The following SORCS2 variants were observed in gnomAD, a reference collection of about 807,000 sequenced individuals.
SORCS2 encodes the protein sortilin related VPS10 domain containing receptor 2, also known as VPS10 domain-containing receptor SorCS2.
SORCS2 carries 100 observed loss-of-function variants against 141.6 expected under a neutral mutation model. The ratio of observed to expected loss-of-function variants is 0.71; its 90% CI spans 0.60 to 0.83. The LOEUF is 0.83. SORCS2 is among the 40% of genes least tolerant of loss of function. The pLI is 0.00. For missense variants in SORCS2, 1,646 were observed against 1,560.2 expected, an observed-to-expected ratio of 1.05 and a Z score of -0.93; for synonymous variants, 789 against 676.9, an observed-to-expected ratio of 1.17 and a Z score of -2.57.
At chr4:7,376,705 G>T (rs1256301634) in intron 1 of SORCS2, among the ~76,000 whole-genome samples, 1 of 152,158 alleles carries the variant, frequency 6.6e-6, no homozygotes, top group African/African-American at 2.4e-5. Flanking sequence ...GCATGTCTTT[G>T]TGGGTTTATA....
At chr4:7,346,786 C>G (rs1720677266) in intron 1 of SORCS2, among the ~76,000 whole-genome samples, 1 of 152,122 alleles carries the variant, frequency 6.6e-6, no homozygotes. Flanking sequence ...TTTCTTCAGC[C>G]ACACTTAAAC....
intron 3 of SORCS2, among the ~76,000 whole-genome samples, chr4:7,573,422 A>C (rs552511398): frequency 2.0e-5 from 3 of 152,382 alleles, no homozygotes; most frequent in Non-Finnish European, 4.4e-5. Flanking sequence ...CCTAAGTAAA[A>C]GTAAAGGCAA....
intron 10 of SORCS2, among the ~76,000 whole-genome samples, chr4:7,684,029 A>G (rs1366240774): frequency 7.9e-5 from 12 of 152,148 alleles, no homozygotes; most frequent in Admixed American, 7.9e-4. Context: ...GGCCAAGAGA[A>G]TCTGACCAGG....
intron 3 of SORCS2, among the ~76,000 whole-genome samples, chr4:7,575,765 G>A (rs1044090804): frequency 1.7e-4 from 26 of 152,180 alleles, no homozygotes; most frequent in Admixed American, 1.5e-3. Context: ...TTACGCATCA[G>A]GATCAGAGAG....
intron 2 of SORCS2, among the ~76,000 whole-genome samples, chr4:7,401,169 GGATT>G (rs1056021187): frequency 2.0e-5 from 3 of 151,468 alleles, no homozygotes; most frequent in Non-Finnish European, 2.9e-5. Flanking sequence ...ATGGATGAGT[GGATT>G]GATGGATGGA....
intron 1 of SORCS2, among the ~76,000 whole-genome samples, chr4:7,248,337 G>C (rs1216352797): frequency 5.5e-4 from 7 of 12,764 alleles, no homozygotes; most frequent in Non-Finnish European, 2.1e-3. Flanking sequence ...AGGTCACCGT[G>C]GGGGGGCCCT....
At chr4:7,467,905 C>T (rs1460048438) in intron 2 of SORCS2, among the ~76,000 whole-genome samples, 1 of 152,376 alleles carries the variant, frequency 6.6e-6, no homozygotes, top group East Asian at 1.9e-4. Flanking sequence ...GCCCCTTGGC[C>T]TCTTTATCAC....
chr4:7,656,139 G>A (rs1370569672), intron 5 of SORCS2, among the ~76,000 whole-genome samples: 1 of 152,224 alleles, frequency 6.6e-6, no homozygotes, highest in Non-Finnish European at 1.5e-5. Flanking sequence ...TGAACTGACA[G>A]CGGGAATTGC....
chr4:7,561,620 CT>C (rs1446361911), intron 3 of SORCS2, among the ~76,000 whole-genome samples: 5 of 149,990 alleles, frequency 3.3e-5, no homozygotes, highest in African/African-American at 1.3e-4. Flanking sequence ...ACCCATCCGT[CT>C]ATCTACCCAT....
intron 3 of SORCS2, among the ~76,000 whole-genome samples, chr4:7,574,510 G>C (rs1715616982): frequency 6.6e-6 from 1 of 152,130 alleles, no homozygotes; most frequent in Admixed American, 6.5e-5. Context: ...CAGAATGTCA[G>C]GTCAGCGCAG....
intron 3 of SORCS2, among the ~76,000 whole-genome samples, chr4:7,621,278 T>C (rs995252804): frequency 5.3e-5 from 8 of 152,194 alleles, no homozygotes; most frequent in Admixed American, 1.3e-4. Flanking sequence ...TCCCGGCATC[T>C]CACACCCCTC....
At chr4:7,447,711 AC>A (rs1728088633) in intron 2 of SORCS2, among the ~76,000 whole-genome samples, 1 of 152,062 alleles carries the variant, frequency 6.6e-6, no homozygotes, top group African/African-American at 2.4e-5. Flanking sequence ...TCGGGGCAGG[AC>A]CCCGAGGAGG....
At chr4:7,305,710 T>G (rs1268127584) in intron 1 of SORCS2, among the ~76,000 whole-genome samples, 2 of 152,094 alleles carry the variant, frequency 1.3e-5, no homozygotes, top group Non-Finnish European at 2.9e-5. Context: ...CACTCCCAGG[T>G]CTAGGGAGAC....
rs547118303 is a variant in SORCS2 at position 7,309,145 on chromosome 4, C to T, written c.481-87143C>T. ...CAGCACTTGGAAAGGTCTAAATCACCGGGCGCACGCTGGCACTTCTGTGGC... is the reference window on the plus strand; with the variant it reads ...CAGCACTTGGAAAGGTCTAAATCACTGGGCGCACGCTGGCACTTCTGTGGC... On this transcript the variant is annotated intron_variant, in intron 1 of 26. Coordinates refer to ENST00000507866, the MANE Select transcript of SORCS2 (RefSeq NM_020777.3). Among the ~76,000 whole-genome samples the T allele has an allele frequency of 9.2e-5, 14 of 152,308 alleles. No homozygotes were observed. The South Asian group carries it at 1.2e-3, about 14-fold the overall frequency.
chr4:7,303,052 G>A (rs1045597514), intron 1 of SORCS2, among the ~76,000 whole-genome samples: 4 of 152,162 alleles, frequency 2.6e-5, no homozygotes, highest in Admixed American at 2.6e-4. Flanking sequence ...TGTTAATGCG[G>A]CCAGTGCTCT....
rs893218065 is a variant in SORCS2 at position 7,336,708 on chromosome 4, C to T, written c.481-59580C>T. Among the ~76,000 whole-genome samples, 3 of 150,160 alleles carry T rather than the reference C, an allele frequency of 2.0e-5. 1 individual carries two copies. Among genetic ancestry groups the T allele is most frequent in the African/African-American group, 7.4e-5 (3 of 40,630 alleles). ...TTCTAGGGTCCCAGGACCTCCTGTTCGCATCTTGGTGGAAGCGCCAGTAGC... is the reference window on the plus strand; with the variant it reads ...TTCTAGGGTCCCAGGACCTCCTGTTTGCATCTTGGTGGAAGCGCCAGTAGC... On this transcript the variant is annotated intron_variant, in intron 1 of 26. Transcript: ENST00000507866.
rs763037923 is a variant in SORCS2 at position 7,740,277 on chromosome 4, A to G, written c.*13A>G. On this transcript the variant is annotated 3_prime_UTR_variant, in exon 27 of 27. Transcript: ENST00000507866. ...CCTGGTGAGCTGATGCCACCCCAGC[A>G]TCTGTCTTTTCACCCACGGAGGGCA... 5 of 1,607,748 alleles carry G rather than the reference A, an allele frequency of 3.1e-6. No individual in the cohort carries two copies. In the Admixed American group the frequency reaches 8.4e-5, roughly 27 times the overall value.
chr4:7,444,238 A>G (rs756060763), intron 2 of SORCS2, among the ~76,000 whole-genome samples: 59 of 152,254 alleles, frequency 3.9e-4, no homozygotes, highest in Non-Finnish European at 2.8e-4. Context: ...AAACAGACAG[A>G]AACCCTGTAC....
intron 3 of SORCS2, among the ~76,000 whole-genome samples, chr4:7,549,275 T>C (rs1300016528): frequency 6.6e-6 from 1 of 152,200 alleles, no homozygotes; most frequent in South Asian, 2.1e-4. Context: ...TCCTTCCTGC[T>C]TCTTTCAACT....
Sources: allele counts gnomAD v4.1 joint callset (sites outside exome capture counted in the v4.1 genomes callset), GRCh38; gene constraint gnomAD v4.1.1; transcripts MANE v1.5; gene names NCBI Gene and HGNC (gene_info 2026-07-23, HGNC 2026-07-21).